The following TM9SF3 variants were observed in gnomAD, a reference collection of about 807,000 sequenced individuals.
The protein encoded by TM9SF3 is SM-11044-binding protein.
A neutral mutation model predicts 78.6 loss-of-function variants in TM9SF3; 14 were observed. That is an observed-to-expected ratio of 0.18 (90% CI 0.12 to 0.28). TM9SF3 has a LOEUF of 0.28. Ranked by LOEUF, TM9SF3 falls within the 10% of genes least tolerant of loss-of-function variation. TM9SF3 has a pLI of 1.00. For synonymous variants in TM9SF3, 231 were observed against 241.7 expected, an observed-to-expected ratio of 0.96 and a Z score of 0.41; for missense variants, 496 against 721.9, an observed-to-expected ratio of 0.69 and a Z score of 3.59.
intron 9 of TM9SF3, among the ~76,000 whole-genome samples, chr10:96,536,062 G>C (rs1847954869): frequency 6.6e-6 from 1 of 151,896 alleles, no homozygotes; most frequent in African/African-American, 2.4e-5. Flanking sequence ...AAAAATCACA[G>C]ATCTCAAAAG....
rs141313716 is a variant in TM9SF3 at position 96,571,448 on chromosome 10, C to A, written c.298+5186G>T. 3.7e-3 allele frequency among the ~76,000 whole-genome samples: 556 copies of A among 152,252 alleles called. 3 individuals carry two copies. Among genetic ancestry groups the A allele is most frequent in the African/African-American group, 0.013 (532 of 41,546 alleles). On this transcript the variant is annotated intron_variant, in intron 2 of 14. Coordinates refer to ENST00000371142, the MANE Select transcript of TM9SF3 (RefSeq NM_020123.4). Reference sequence around the variant, plus strand: ...AGCAGAAGCTAGGGACTGAAAACAGCATGGGGGATTACCTGAAGTAAACAT... The same window carrying A: ...AGCAGAAGCTAGGGACTGAAAACAGAATGGGGGATTACCTGAAGTAAACAT...
intron 14 of TM9SF3, among the ~76,000 whole-genome samples, chr10:96,523,323 T>C (rs17482382): frequency 0.2 from 30,970 of 151,686 alleles, 3,516 homozygotes; most frequent in Admixed American, 0.3. Context: ...TGCCTAGTCA[T>C]CCTTGAACGA....
chr10:96,567,010 G>A (rs1848381291), intron 2 of TM9SF3, among the ~76,000 whole-genome samples: 1 of 151,762 alleles, frequency 6.6e-6, no homozygotes, highest in Non-Finnish European at 1.5e-5. Context: ...CATTGATAAT[G>A]GTCATTAACA....
chr10:96,586,277 C>A lies in TM9SF3; in HGVS notation c.102+457G>T, dbSNP rs562364588. 2.0e-5 allele frequency among the ~76,000 whole-genome samples: 3 copies of A among 152,314 alleles called. No individual in the cohort carries two copies. The East Asian group carries it at 5.8e-4, about 29-fold the overall frequency. On this transcript the variant is annotated intron_variant, in intron 1 of 14. Transcript: ENST00000371142. ...GGAGACCATAAAGTGTAGGATATTTCCTGGTTAGTGGCTGCCGGGTAATCA... is the reference window on the plus strand; with the variant it reads ...GGAGACCATAAAGTGTAGGATATTTACTGGTTAGTGGCTGCCGGGTAATCA...
intron 4 of TM9SF3, 32 bp downstream of exon 4, chr10:96,561,946 T>G: frequency 6.4e-7 from 1 of 1,571,652 alleles, no homozygotes; most frequent in Non-Finnish European, 8.6e-7. Context: ...TCACAAACAC[T>G]ACTTCCTACA....
chr10:96,567,732 G>A (rs1205058493), intron 2 of TM9SF3, among the ~76,000 whole-genome samples: 3 of 152,104 alleles, frequency 2.0e-5, no homozygotes, highest in Admixed American at 2.0e-4. Context: ...GGTCTTGAGC[G>A]CTTTGTCCAT....
At chr10:96,560,409 C>T in intron 4 of TM9SF3, 3 of 738,730 alleles carry the variant, frequency 4.1e-6, no homozygotes, top group Admixed American at 1.7e-5. Flanking sequence ...TTAAATAACA[C>T]TGGCACCTTT....
chr10:96,528,479 T>C (rs1847862450), intron 11 of TM9SF3, among the ~76,000 whole-genome samples: 1 of 152,046 alleles, frequency 6.6e-6, no homozygotes, highest in African/African-American at 2.4e-5. Context: ...TGAAAATAGC[T>C]AAAAAATCCG....
intron 9 of TM9SF3, 151 bp downstream of exon 9, chr10:96,543,924 CA>C: frequency 3.0e-6 from 2 of 657,896 alleles, no homozygotes; most frequent in Non-Finnish European, 4.5e-6. Context: ...AGGCTAACAA[CA>C]GTAGTATTCT....
At position 96,530,527 on chromosome 10, in the gene TM9SF3, T is replaced by G. The variant is rs779815620; in HGVS notation, c.1394+13A>C. On this transcript the variant is annotated intron_variant, in intron 11 of 14. Transcript: ENST00000371142. ...CAAATCCCTCAAAACATAAATACATTATCAAAACTTACATTTCAATAAAGA... is the reference window on the plus strand; with the variant it reads ...CAAATCCCTCAAAACATAAATACATGATCAAAACTTACATTTCAATAAAGA... The G allele has an allele frequency of 1.2e-6, 2 of 1,602,172 alleles. No individual in the cohort carries two copies. Among genetic ancestry groups the G allele is most frequent in the East Asian group, 4.5e-5 (2 of 44,530 alleles).
intron 2 of TM9SF3, among the ~76,000 whole-genome samples, chr10:96,570,696 T>C (rs140559505): frequency 4.3e-4 from 66 of 152,138 alleles, no homozygotes; most frequent in African/African-American, 1.3e-3. Flanking sequence ...AGTGAAGGAA[T>C]AAAAAGTATG....
At chr10:96,564,411 GA>G (rs1202146696) in intron 3 of TM9SF3, among the ~76,000 whole-genome samples, 1 of 152,198 alleles carries the variant, frequency 6.6e-6, no homozygotes, top group Non-Finnish European at 1.5e-5. Flanking sequence ...GCGGATCAGA[GA>G]AATGTCTGTG....
intron 1 of TM9SF3, among the ~76,000 whole-genome samples, chr10:96,581,537 C>T (rs551536676): frequency 6.6e-6 from 1 of 152,250 alleles, no homozygotes; most frequent in African/African-American, 2.4e-5. Flanking sequence ...GAGATAACTA[C>T]TCTCTCTCAA....
At chr10:96,536,485 T>TAGGCA in intron 9 of TM9SF3, among the ~76,000 whole-genome samples, 1 of 152,168 alleles carries the variant, frequency 6.6e-6, no homozygotes. Context: ...ATTGTAAGAA[T>TAGGCA]AAAGTAACCC....
chr10:96,560,631 G>C (rs1237249932), intron 4 of TM9SF3: 1 of 644,628 alleles, frequency 1.6e-6, no homozygotes, highest in Non-Finnish European at 2.9e-6. Context: ...TGGTAGCAAG[G>C]TTCCACAGAA....
chr10:96,586,672 C>A (rs1848635643), intron 1 of TM9SF3, 62 bp downstream of exon 1: 1 of 1,192,156 alleles, frequency 8.4e-7, no homozygotes, highest in East Asian at 3.4e-5. Flanking sequence ...CTGCGTGGGG[C>A]CTGCCTCAGT....
At chr10:96,526,987 A>G (rs1463959708) in intron 14 of TM9SF3, among the ~76,000 whole-genome samples, 2 of 152,124 alleles carry the variant, frequency 1.3e-5, no homozygotes, top group Non-Finnish European at 2.9e-5. Context: ...CTGTGATATG[A>G]AATTCTGTGC....
At chr10:96,522,941 G>GT (rs1158402904) in intron 14 of TM9SF3, among the ~76,000 whole-genome samples, 1 of 151,800 alleles carries the variant, frequency 6.6e-6, no homozygotes, top group Non-Finnish European at 1.5e-5. Context: ...TTGAAATGTT[G>GT]TTTTTTAACA....
chr10:96,586,392 C>T (rs1331902203), intron 1 of TM9SF3, among the ~76,000 whole-genome samples: 1 of 152,172 alleles, frequency 6.6e-6, no homozygotes, highest in African/African-American at 2.4e-5. Flanking sequence ...GCCCAGCCTG[C>T]CCGTTGCCCC....
Sources: gnomAD v4.1 joint callset for allele counts (sites outside exome capture counted in the v4.1 genomes callset) on GRCh38, gnomAD v4.1.1 for gene constraint, MANE v1.5 for transcripts, NCBI Gene and HGNC (gene_info 2026-07-23, HGNC 2026-07-21) for gene names.